Variants in ZNF705G observed in about 807,000 individuals in gnomAD.
ZNF705G encodes the protein putative zinc finger protein 705G.
Under a neutral mutation model 19.6 loss-of-function variants are expected in ZNF705G, and 23 were observed. That is an observed-to-expected ratio of 1.17 (90% CI 0.84 to 1.66). ZNF705G has a LOEUF of 1.66. Among genes scored for constraint, ZNF705G ranks in the 40% most tolerant of loss-of-function variants. The pLI is 0.00. For synonymous variants in ZNF705G, 146 were observed against 117.7 expected (o/e 1.24, Z -1.56); for missense variants, 457 against 354.4 (o/e 1.29, Z -2.32).
chr8:7,380,093 G>T (rs1488884591), intron 2 of ZNF705G, among the ~76,000 whole-genome samples: 1 of 143,918 alleles, frequency 6.9e-6, no homozygotes, highest in African/African-American at 2.9e-5. Flanking sequence ...TAGGGAGGCT[G>T]CCCCCAGAAC....
intron 1 of ZNF705G, among the ~76,000 whole-genome samples, chr8:7,384,906 A>G (rs193074364): frequency 0.036 from 5,289 of 145,586 alleles, 117 homozygotes; most frequent in Non-Finnish European, 0.055. Context: ...TATGAGATAG[A>G]TATTTTCTCT....
At chr8:7,379,679 C>A (rs1231518773) in intron 2 of ZNF705G, among the ~76,000 whole-genome samples, 1 of 147,206 alleles carries the variant, frequency 6.8e-6, no homozygotes, top group Non-Finnish European at 1.5e-5. Flanking sequence ...AAAAAGAGAG[C>A]CCCAGTGGTC....
intron 2 of ZNF705G, among the ~76,000 whole-genome samples, chr8:7,379,990 A>T (rs1219315595): frequency 1.4e-5 from 2 of 141,616 alleles, no homozygotes; most frequent in East Asian, 3.9e-4. Flanking sequence ...CTGCAGAGTC[A>T]CAATACCAGC....
chr8:7,364,107 T>C (rs1266229851), intron 2 of ZNF705G, among the ~76,000 whole-genome samples: 2 of 149,444 alleles, frequency 1.3e-5, no homozygotes, highest in Non-Finnish European at 2.9e-5. Flanking sequence ...TATTAGTCTT[T>C]GTTAGTTGCA....
intron 2 of ZNF705G, among the ~76,000 whole-genome samples, chr8:7,368,172 C>A (rs1358074321): frequency 2.0e-5 from 3 of 149,528 alleles, no homozygotes; most frequent in Non-Finnish European, 2.9e-5. Context: ...TGAATCTAAT[C>A]AAAAACTTCA....
intron 1 of ZNF705G, among the ~76,000 whole-genome samples, chr8:7,383,225 A>G (rs1365233257): frequency 6.7e-6 from 1 of 149,424 alleles, no homozygotes; most frequent in East Asian, 1.9e-4. Flanking sequence ...TAGGTGACAC[A>G]TTAGGGGCCA....
At chr8:7,363,758 T>C (rs1429249332) in intron 2 of ZNF705G, among the ~76,000 whole-genome samples, 1 of 148,948 alleles carries the variant, frequency 6.7e-6, no homozygotes, top group African/African-American at 2.6e-5. Context: ...GAGGCAGAGA[T>C]TACAGTGAGC....
rs761790210 is a variant in ZNF705G at position 7,368,096 on chromosome 8, GA to G, written c.-71-5080del. On this transcript the variant is annotated intron_variant, in intron 2 of 6. Coordinates refer to ENST00000400156, the MANE Select transcript of ZNF705G (RefSeq NM_001164457.3). ...CTCTGATTGGCTTCCCCTTATATAT[GA>G]AAAAAAAATTAATAAACCGAATCAC... is the stretch of plus-strand genomic sequence containing the variant. 5.4e-5 allele frequency among the ~76,000 whole-genome samples: 8 copies of G among 148,770 alleles called. No homozygotes were observed. The South Asian group carries it at 6.3e-4, about 12-fold the overall frequency.
chr8:7,364,058 T>G (rs1164199599), intron 2 of ZNF705G, among the ~76,000 whole-genome samples: 3 of 149,566 alleles, frequency 2.0e-5, no homozygotes, highest in Non-Finnish European at 4.4e-5. Context: ...TCTGATATTT[T>G]ACTAACGTGG....
rs1366601627 is a variant in ZNF705G, at chr8:7,361,155, A to T, written c.94T>A (p.Tyr32Asn). The change falls in exon 4 of 7, where the codon TAC (tyrosine) becomes AAC (asparagine). Residue 32 changes from tyrosine (Y) to asparagine (N), a missense_variant. Coordinates refer to ENST00000400156, the MANE Select transcript of ZNF705G (RefSeq NM_001164457.3). ...ATATTTTCCAGCATCACATCTCTGT[A>T]CAGCTTTCTCTTGGATGTGTCCATC... The part of the protein sequence containing the change: ...AMMDTSKRKL[Y>N]RDVMLENISH... 1 of 1,593,094 alleles carries T rather than the reference A, an allele frequency of 6.3e-7. No homozygotes were observed. The highest frequency in any genetic ancestry group is 1.1e-5 in the South Asian group (1 of 90,734).
chr8:7,384,310 T>C (rs1451596569), intron 1 of ZNF705G, among the ~76,000 whole-genome samples: 5 of 145,512 alleles, frequency 3.4e-5, no homozygotes, highest in Non-Finnish European at 7.4e-5. Flanking sequence ...AAAAAAATCT[T>C]AGGAGGAGTC....
intron 1 of ZNF705G, among the ~76,000 whole-genome samples, chr8:7,383,125 A>AT (rs5889203): frequency 0.21 from 26,342 of 126,026 alleles, 784 homozygotes; most frequent in South Asian, 0.26. Flanking sequence ...TCAATGTTTG[A>AT]TTTTTTTTTT....
At chr8:7,360,903 C>G (rs1803373757) in intron 4 of ZNF705G, among the ~76,000 whole-genome samples, 1 of 149,392 alleles carries the variant, frequency 6.7e-6, no homozygotes, top group Non-Finnish European at 1.5e-5. Flanking sequence ...AGACTACATT[C>G]TAATTGAGTG....
intron 2 of ZNF705G, among the ~76,000 whole-genome samples, chr8:7,377,953 CAAAAAAAAAAAA>C (rs1175739210): frequency 5.6e-5 from 3 of 53,120 alleles, no homozygotes; most frequent in South Asian, 1.3e-3. Context: ...GACACTGTCT[CAAAAAAAAAAAA>C]AAAAAAAAAA....
intron 2 of ZNF705G, among the ~76,000 whole-genome samples, chr8:7,376,873 TAGAG>T (rs1248502304): frequency 3.0e-5 from 4 of 131,830 alleles, no homozygotes; most frequent in Non-Finnish European, 6.3e-5. Context: ...ATCTATCATA[TAGAG>T]AGAGTGTGTG....
At chr8:7,368,902 C>T (rs1206210799) in intron 2 of ZNF705G, among the ~76,000 whole-genome samples, 2 of 149,674 alleles carry the variant, frequency 1.3e-5, no homozygotes, top group African/African-American at 5.1e-5. Context: ...ATTAAACCTG[C>T]AGGTGCACAA....
At chr8:7,377,971 A>AG (rs1462670262) in intron 2 of ZNF705G, among the ~76,000 whole-genome samples, 12 of 98,930 alleles carry the variant, frequency 1.2e-4, no homozygotes, top group South Asian at 6.7e-4. Context: ...AAAAAAAAAA[A>AG]AAAAAAAGTT....
At chr8:7,368,732 T>C (rs891130395) in intron 2 of ZNF705G, among the ~76,000 whole-genome samples, 24 of 149,656 alleles carry the variant, frequency 1.6e-4, no homozygotes, top group Admixed American at 8.5e-4. Context: ...GAGGGAAGAA[T>C]CATTTTGTGA....
At chr8:7,361,887 T>A (rs1312249252) in intron 3 of ZNF705G, among the ~76,000 whole-genome samples, 18 of 149,352 alleles carry the variant, frequency 1.2e-4, no homozygotes, top group South Asian at 1.1e-3. Flanking sequence ...TCAATTCATA[T>A]ATATAGTCTC....
Sources: allele counts gnomAD v4.1 joint callset (sites outside exome capture counted in the v4.1 genomes callset), GRCh38; gene constraint gnomAD v4.1.1; transcripts MANE v1.5; gene names NCBI Gene and HGNC (gene_info 2026-07-23, HGNC 2026-07-21).